PPM1H: variants seen among roughly 807,000 people sequenced by gnomAD.
PPM1H encodes the protein protein phosphatase, Mg2+/Mn2+ dependent 1H, also known as protein phosphatase 1H.
Under a neutral mutation model 54.9 loss-of-function variants are expected in PPM1H, and 27 were observed. That is an observed-to-expected ratio of 0.49 (90% CI 0.36 to 0.68). The LOEUF (loss-of-function observed/expected upper bound fraction) is 0.68. Ranked by LOEUF, PPM1H falls within the 30% of genes least tolerant of loss-of-function variation. The probability of loss-of-function intolerance (pLI) is 0.00; values close to 1 mark genes in which losing one functional copy is unlikely to be tolerated. For synonymous variants in PPM1H, 305 were observed against 270.8 expected (o/e 1.13, Z -1.24); for missense variants, 596 against 667.8 (o/e 0.89, Z 1.19).
intron 8 of PPM1H, among the ~76,000 whole-genome samples, chr12:62,679,845 A>C (rs560546695): frequency 3.9e-5 from 6 of 152,330 alleles, no homozygotes; most frequent in Non-Finnish European, 7.3e-5. Context: ...TTACACTGCA[A>C]AGTAGATTTC....
intron 7 of PPM1H, among the ~76,000 whole-genome samples, chr12:62,691,530 GAC>G (rs2136639241): frequency 6.6e-6 from 1 of 152,198 alleles, no homozygotes; most frequent in South Asian, 2.1e-4. Context: ...AGGGGATAAA[GAC>G]ACGAGACACA....
intron 9 of PPM1H, chr12:62,659,288 A>AAAAAAAAT (rs2075868056): frequency 2.0e-6 from 1 of 500,558 alleles, no homozygotes; most frequent in South Asian, 2.2e-5. Context: ...AAAAAAAAAA[A>AAAAAAAAT]AAAGAGAAAA....
At chr12:62,738,806 T>C (rs1479726193) in intron 4 of PPM1H, among the ~76,000 whole-genome samples, 1 of 152,114 alleles carries the variant, frequency 6.6e-6, no homozygotes, top group African/African-American at 2.4e-5. Flanking sequence ...TCCTTCATTC[T>C]AGGGAGGCTG....
rs142155644 is a variant in PPM1H at position 62,724,453 on chromosome 12, G to A, written c.955-4164C>T. Among the ~76,000 whole-genome samples the A allele has an allele frequency of 5.1e-4, 77 of 152,274 alleles. 1 individual carries two copies. The highest frequency in any genetic ancestry group is 1.7e-3 in the African/African-American group (72 of 41,548). ...GATATCCATTTGCCTGGGTGGCTGC[G>A]TCAGAAGATCTGTTGAGGCAGATGT... On this transcript the variant is annotated intron_variant, in intron 5 of 9. Transcript: ENST00000228705.
chr12:62,671,096 G>A (rs2075953963), intron 8 of PPM1H, among the ~76,000 whole-genome samples: 1 of 152,080 alleles, frequency 6.6e-6, no homozygotes, highest in Non-Finnish European at 1.5e-5. Flanking sequence ...AGCTGTTGTT[G>A]GCCTTACTCA....
chr12:62,704,603 T>C (rs1039159469), intron 6 of PPM1H, among the ~76,000 whole-genome samples: 3 of 152,214 alleles, frequency 2.0e-5, no homozygotes, highest in African/African-American at 7.2e-5. Flanking sequence ...TCTGCTAATA[T>C]AGTGCAAGTT....
chr12:62,664,670 A>G (rs1435104011), intron 9 of PPM1H, among the ~76,000 whole-genome samples: 3 of 152,226 alleles, frequency 2.0e-5, no homozygotes, highest in Non-Finnish European at 2.9e-5. Context: ...GTATATTTAA[A>G]TATGACCACA....
At chr12:62,853,177 G>C (rs1395027812) in intron 1 of PPM1H, among the ~76,000 whole-genome samples, 1 of 152,056 alleles carries the variant, frequency 6.6e-6, no homozygotes, top group Admixed American at 6.6e-5. Flanking sequence ...GGAGAAATGT[G>C]CTTGTTCTTA....
At chr12:62,650,593 T>TG (rs1048959924) in intron 9 of PPM1H, among the ~76,000 whole-genome samples, 1 of 152,184 alleles carries the variant, frequency 6.6e-6, no homozygotes, top group African/African-American at 2.4e-5. Context: ...TACCTGAGAC[T>TG]GGGTAATTTA....
At chr12:62,814,070 A>G (rs1395703371) in intron 2 of PPM1H, among the ~76,000 whole-genome samples, 2 of 152,116 alleles carry the variant, frequency 1.3e-5, no homozygotes, top group South Asian at 4.2e-4. Flanking sequence ...AAATGAACAA[A>G]CACATTGGGG....
chr12:62,693,282 T>C (rs2076093560), intron 7 of PPM1H, among the ~76,000 whole-genome samples: 1 of 152,218 alleles, frequency 6.6e-6, no homozygotes, highest in East Asian at 1.9e-4. Context: ...CAACGTGCTG[T>C]TCAGTGCTGG....
chr12:62,776,554 C>G (rs867670757), intron 4 of PPM1H, among the ~76,000 whole-genome samples: 1 of 152,122 alleles, frequency 6.6e-6, no homozygotes, highest in Non-Finnish European at 1.5e-5. Context: ...AGGGCTGAAC[C>G]ATACTTGTGC....
intron 1 of PPM1H, among the ~76,000 whole-genome samples, chr12:62,881,063 A>C (rs970041598): frequency 2.6e-5 from 4 of 152,188 alleles, no homozygotes. Context: ...GATCTAACAT[A>C]AGAAGGCACA....
chr12:62,815,205 T>C (rs2076859130), intron 2 of PPM1H, among the ~76,000 whole-genome samples: 1 of 151,580 alleles, frequency 6.6e-6, no homozygotes, highest in Non-Finnish European at 1.5e-5. Context: ...TTGACTAAAT[T>C]GTTCGGATAC....
intron 1 of PPM1H, among the ~76,000 whole-genome samples, chr12:62,894,101 A>G (rs1431733855): frequency 1.3e-5 from 2 of 152,174 alleles, no homozygotes; most frequent in Non-Finnish European, 2.9e-5. Flanking sequence ...GACTCCTGAC[A>G]ATACAATGTA....
intron 8 of PPM1H, among the ~76,000 whole-genome samples, chr12:62,686,237 T>C (rs2076050952): frequency 1.3e-5 from 2 of 152,202 alleles, no homozygotes; most frequent in South Asian, 4.1e-4. Context: ...AGCAGAGAGA[T>C]TGGAAGATCT....
chr12:62,911,748 C>G (rs1399081904), intron 1 of PPM1H, among the ~76,000 whole-genome samples: 1 of 152,214 alleles, frequency 6.6e-6, no homozygotes, highest in African/African-American at 2.4e-5. Context: ...TACTCCATCA[C>G]CTGTCACAAA....
intron 7 of PPM1H, among the ~76,000 whole-genome samples, chr12:62,693,443 T>C (rs781775280): frequency 6.6e-6 from 1 of 152,156 alleles, no homozygotes; most frequent in Non-Finnish European, 1.5e-5. Context: ...TGGACTTCCA[T>C]GGTGGAGTCT....
chr12:62,796,989 A>G (rs545454322), intron 3 of PPM1H, among the ~76,000 whole-genome samples: 1 of 152,310 alleles, frequency 6.6e-6, no homozygotes, highest in East Asian at 1.9e-4. Flanking sequence ...ATTAGGATAC[A>G]AAAAGATACT....
Sources: allele counts gnomAD v4.1 joint callset (sites outside exome capture counted in the v4.1 genomes callset), GRCh38; gene constraint gnomAD v4.1.1; transcripts MANE v1.5; gene names NCBI Gene and HGNC (gene_info 2026-07-23, HGNC 2026-07-21).